The following ERCC6L2 variants were observed in gnomAD, a reference collection of about 807,000 sequenced individuals.
ERCC6L2 encodes DNA excision repair protein ERCC-6-like 2.
ERCC6L2 carries 77 observed loss-of-function variants against 132.0 expected under a neutral mutation model. The observed-to-expected ratio is 0.58, with a 90% CI of 0.49 to 0.71. The LOEUF is 0.71. Ranked by LOEUF, ERCC6L2 falls within the 30% of genes least tolerant of loss-of-function variation. The pLI is 0.00. For missense variants in ERCC6L2, 1,542 were observed against 1,837.6 expected, an observed-to-expected ratio of 0.84 and a Z score of 2.94; for synonymous variants, 583 against 632.4, an observed-to-expected ratio of 0.92 and a Z score of 1.17.
chr9:95,977,485 G>A (rs1258759812), intron 16 of ERCC6L2, among the ~76,000 whole-genome samples: 2 of 152,084 alleles, frequency 1.3e-5, no homozygotes, highest in Non-Finnish European at 2.9e-5. Flanking sequence ...AATAAAAATT[G>A]TAGCCATTTT....
chr9:96,040,876 T>C (rs1376418000), intron 20 of ERCC6L2, among the ~76,000 whole-genome samples: 2 of 152,274 alleles, frequency 1.3e-5, no homozygotes, highest in Non-Finnish European at 2.9e-5. Flanking sequence ...AACTTGAAGC[T>C]GTATAATAAA....
rs1376669854 is a variant in ERCC6L2 at position 96,015,894 on chromosome 9, A to G, written c.*2691A>G. ...TTAGTTTCCAACAGTTGTCAGTGAA[A>G]TATTTATCACTATTATGTAGGAAAG... On this transcript the variant is annotated 3_prime_UTR_variant, in exon 19 of 19. Transcript: ENST00000653738. Among the ~76,000 whole-genome samples the G allele has an allele frequency of 6.6e-6, 1 of 152,200 alleles. No homozygotes were observed. The highest frequency in any genetic ancestry group is 1.5e-5 in the Non-Finnish European group (1 of 68,034).
intron 11 of ERCC6L2, among the ~76,000 whole-genome samples, chr9:95,930,236 G>A (rs1193702808): frequency 6.6e-6 from 1 of 151,944 alleles, no homozygotes; most frequent in Non-Finnish European, 1.5e-5. Flanking sequence ...TTTTCTGCTT[G>A]TGTGGTTTTG....
intron 17 of ERCC6L2, among the ~76,000 whole-genome samples, chr9:95,981,552 A>C (rs963261475): frequency 6.6e-6 from 1 of 152,208 alleles, no homozygotes; most frequent in South Asian, 2.1e-4. Flanking sequence ...TTGTATTTTG[A>C]TATTTTAGAA....
At chr9:96,006,250 G>C (rs1241962563) in intron 18 of ERCC6L2, among the ~76,000 whole-genome samples, 1 of 152,272 alleles carries the variant, frequency 6.6e-6, no homozygotes, top group Non-Finnish European at 1.5e-5. Flanking sequence ...GGAGGCAGCA[G>C]CTACTTCTGG....
chr9:95,889,966 C>A (rs62559055), intron 2 of ERCC6L2, among the ~76,000 whole-genome samples: 1 of 152,054 alleles, frequency 6.6e-6, no homozygotes, highest in Non-Finnish European at 1.5e-5. Flanking sequence ...TTATGTTCTA[C>A]ATCAGCCAGT....
At chr9:95,883,506 T>A (rs1350153542) in intron 2 of ERCC6L2, among the ~76,000 whole-genome samples, 1 of 152,248 alleles carries the variant, frequency 6.6e-6, no homozygotes, top group African/African-American at 2.4e-5. Context: ...CTACTGTTTT[T>A]GCCTGTGGTA....
In ERCC6L2 at chr9:95,906,741, C is replaced by T. The variant is rs1213594556; in HGVS notation, c.595-337C>T. On this transcript the variant is annotated intron_variant, in intron 3 of 18. Transcript: ENST00000653738. Reference sequence around the variant, plus strand: ...TACATTACCCACTTGGCCTTTGAAGCTATTACTGGGATCCAGATTTTATTC... The same window carrying T: ...TACATTACCCACTTGGCCTTTGAAGTTATTACTGGGATCCAGATTTTATTC... 8.7e-6 allele frequency: 4 copies of T among 462,380 alleles called. No individual in the cohort carries two copies. The Admixed American group carries it at 9.6e-5, about 11-fold the overall frequency. 28.6% of individuals were successfully genotyped at this position (462,380 alleles called of 1,614,324 possible).
At chr9:96,023,454 T>C (rs936895509) in intron 19 of ERCC6L2, among the ~76,000 whole-genome samples, 9 of 152,190 alleles carry the variant, frequency 5.9e-5, no homozygotes, top group African/African-American at 1.9e-4. Context: ...ACTCTTCCAC[T>C]ATTCAACCCA....
chr9:96,007,883 T>A (rs1464990976), intron 18 of ERCC6L2, among the ~76,000 whole-genome samples: 1 of 152,144 alleles, frequency 6.6e-6, no homozygotes, highest in African/African-American at 2.4e-5. Context: ...GTCTCTGGGT[T>A]CAAAGTACTT....
chr9:95,918,254 G>T, intron 6 of ERCC6L2: 1 of 438,484 alleles, frequency 2.3e-6, no homozygotes, highest in South Asian at 1.9e-5. Context: ...GGTCTGGCTG[G>T]AAAAGACCCA....
At chr9:96,025,554 C>G in intron 19 of ERCC6L2, among the ~76,000 whole-genome samples, 1 of 152,054 alleles carries the variant, frequency 6.6e-6, no homozygotes, top group African/African-American at 2.4e-5. Flanking sequence ...GGACACTGAG[C>G]TACACAACAC....
In ERCC6L2 at chr9:95,932,074, CT is replaced by C. The variant is rs1031441564; in HGVS notation, c.1751+3224del. On this transcript the variant is annotated intron_variant, in intron 11 of 18. Coordinates refer to ENST00000653738, the MANE Select transcript of ERCC6L2 (RefSeq NM_020207.7). ...CTTATTATTTTGTTTGAAATGATCACTTTTTTTTTTTTTTAAGACAGTGTCT... is the reference window on the plus strand; with the variant it reads ...CTTATTATTTTGTTTGAAATGATCACTTTTTTTTTTTTTAAGACAGTGTCT... 7.3e-3 allele frequency among the ~76,000 whole-genome samples: 1,033 copies of C among 141,654 alleles called. 5 individuals carry two copies. Among genetic ancestry groups the C allele is most frequent in the African/African-American group, 0.017 (661 of 38,888 alleles). The allele number at this position is 141,654 out of a possible 152,430, so 92.9% of individuals were successfully genotyped here.
intron 12 of ERCC6L2, among the ~76,000 whole-genome samples, chr9:95,945,790 G>A (rs935881033): frequency 6.6e-6 from 1 of 152,128 alleles, no homozygotes; most frequent in African/African-American, 2.4e-5. Flanking sequence ...GTACATGATA[G>A]GAAATATATA....
chr9:95,920,459 A>C (rs1039811356), intron 6 of ERCC6L2, among the ~76,000 whole-genome samples: 5 of 152,180 alleles, frequency 3.3e-5, no homozygotes, highest in African/African-American at 1.2e-4. Context: ...TCAACTATTT[A>C]TACTGTTGTT....
At position 95,915,760 on chromosome 9, in the gene ERCC6L2, A is replaced by T. The variant is rs562983899; in HGVS notation, c.881A>T (p.Asn294Ile). Residue 294 changes from asparagine to isoleucine, a missense_variant, in exon 5 of 19, where the codon AAT (asparagine) becomes ATT (isoleucine). This residue lies in a region of ERCC6L2 where 945 missense variants were observed against 1,105.2 expected (regional missense o/e 0.86). Transcript: ENST00000653738. ...GAAGTTATGAAAGCTTTGAAATGTA[A>T]TGTCCGCATTGGCCTCACTGGAACC... ...VTEVMKALKC[N>I]VRIGLTGTIL... The T allele has an allele frequency of 7.4e-6, 12 of 1,613,910 alleles. No homozygotes were observed. The South Asian group carries it at 1.2e-4, about 16-fold the overall frequency.
chr9:95,971,658 A>G (rs543536957), intron 15 of ERCC6L2: 2 of 181,280 alleles, frequency 1.1e-5, no homozygotes, highest in East Asian at 3.0e-4. Flanking sequence ...TAGAAGCCAA[A>G]CACTCCACTT....
chr9:96,010,407 T>C (rs1398213143), intron 18 of ERCC6L2, among the ~76,000 whole-genome samples: 1 of 152,238 alleles, frequency 6.6e-6, no homozygotes, highest in Non-Finnish European at 1.5e-5. Context: ...TTGAAGCTCC[T>C]ACTAACATAC....
intron 19 of ERCC6L2, among the ~76,000 whole-genome samples, chr9:96,035,875 C>A (rs534587656): frequency 1.1e-4 from 16 of 152,244 alleles, no homozygotes; most frequent in Admixed American, 5.2e-4. Flanking sequence ...GTGAGGAACC[C>A]AGGAGAAGCT....
Sources: gnomAD v4.1 joint callset for allele counts (sites outside exome capture counted in the v4.1 genomes callset) on GRCh38, gnomAD v4.1.1 for gene constraint, gnomAD v4.1.1 regional missense constraint, MANE v1.5 for transcripts, NCBI Gene and HGNC (gene_info 2026-07-23, HGNC 2026-07-21) for gene names.